The following VTN variants were observed in gnomAD, a reference collection of about 807,000 sequenced individuals.
VTN encodes complement S-protein.
Under a neutral mutation model 55.9 loss-of-function variants are expected in VTN, and 45 were observed. The observed-to-expected ratio is 0.80, with a 90% CI of 0.63 to 1.03. The LOEUF is 1.03. Among genes scored for constraint, VTN ranks in the 50% least tolerant of loss-of-function variants. The pLI is 0.00. For missense variants in VTN, 589 were observed against 638.2 expected (o/e 0.92, Z 0.83); for synonymous variants, 238 against 242.3 (o/e 0.98, Z 0.17).
chr17:28,368,473 G>T, intron 6 of VTN, 48 bp downstream of exon 6: 1 of 1,605,970 alleles, frequency 6.2e-7, no homozygotes, highest in Non-Finnish European at 8.5e-7. Flanking sequence ...AATACCAAGG[G>T]GTTTCAGCCC....
intron 6 of VTN, 45 bp from the exon 7 acceptor site, chr17:28,368,104 C>A: frequency 1.3e-6 from 2 of 1,497,514 alleles, no homozygotes; most frequent in South Asian, 2.6e-5. Flanking sequence ...GGGTCCGAAT[C>A]TTGCCCCTTC....
chr17:28,368,883 T>C lies in VTN; in HGVS notation c.815A>G (p.Tyr272Cys), dbSNP rs140531078. 24 of 1,613,562 alleles carry C rather than the reference T, an allele frequency of 1.5e-5. No homozygotes were observed. Among genetic ancestry groups the C allele is most frequent in the African/African-American group, 4.0e-5 (3 of 74,862 alleles). Reference protein sequence around the residue: ...AHSYSGRERVYFFKGKQYWEY... With the variant: ...AHSYSGRERVCFFKGKQYWEY... Reference sequence around the variant, plus strand: ...CACCCCCTGAGTACCCTTGAAGAAGTAGACCCGCTCCCGGCCACTGTAGCT... The same window carrying C: ...CACCCCCTGAGTACCCTTGAAGAAGCAGACCCGCTCCCGGCCACTGTAGCT... Residue 272 changes from tyrosine (Y) to cysteine (C), a missense_variant, in exon 5 of 8, where the codon TAC becomes TGC. Physicochemically the swap from Tyr to Cys is radical, Grantham distance 194. Transcript: ENST00000226218.
chr17:28,367,817 C>A lies in VTN; in HGVS notation c.1222G>T (p.Glu408Ter), dbSNP rs1555583237. 1 of 1,614,178 alleles carries A rather than the reference C, an allele frequency of 6.2e-7. No homozygotes were observed. Among genetic ancestry groups the A allele is most frequent in the South Asian group, 1.1e-5 (1 of 91,086 alleles). ...TTGTTGGCTCCCAAGTTGCTCTCCT[C>A]ACTGGAGAACAAGGACAGCCACGTG... ...RATWLSLFSS[E>*]ESNLGANNYD... The change falls in exon 7 of 8, where the codon GAG becomes TAG. Residue 408 changes from glutamate (E) to a stop codon, truncating the protein, a stop_gained. Coordinates refer to ENST00000226218, the MANE Select transcript of VTN (RefSeq NM_000638.4). LOFTEE classifies it high-confidence loss of function.
intron 1 of VTN, 24 bp downstream of exon 1, chr17:28,370,116 A>T: frequency 6.2e-7 from 1 of 1,613,514 alleles, no homozygotes; most frequent in African/African-American, 1.3e-5. Flanking sequence ...ATTGACCCAG[A>T]TGGCCACCAA....
chr17:28,367,880 G>T lies in VTN; in HGVS notation c.1159C>A (p.Arg387Ser). The T allele has an allele frequency of 1.9e-6, 3 of 1,613,820 alleles. No individual in the cohort carries two copies. The highest frequency in any genetic ancestry group is 2.5e-6 in the Non-Finnish European group (3 of 1,179,860). ...CGGCGGGAGTTCTGGTTGCGGCCAC[G>T]GCTGTGGCCTCGTTGTGAACGGTAG... ...KGYRSQRGHS[R>S]GRNQNSRRPS... The change falls in exon 7 of 8, where the codon CGT (arginine) becomes AGT (serine). Residue 387 changes from arginine (R) to serine (S), a missense_variant. This residue lies in a region of VTN where 334 missense variants were observed against 328.2 expected (regional missense o/e 1.02). Coordinates refer to ENST00000226218, the MANE Select transcript of VTN (RefSeq NM_000638.4).
Position 28,369,673 on chromosome 17 carries a change from C to T in VTN, c.363G>A (p.Glu121=). The change falls in exon 3 of 8, where the codon GAG becomes GAA. Residue 121 remains glutamate, a synonymous_variant. Coordinates refer to ENST00000226218, the MANE Select transcript of VTN (RefSeq NM_000638.4). This position sits in a 1 kb window ranked among gnomAD's most constrained non-coding sequence, Gnocchi z 5.3. ...AGGCGCCCACCTCAGGCGCAGGGGCCTCTTCCTCAGGTTTCAGAACAGGTG... is the reference window on the plus strand; with the variant it reads ...AGGCGCCCACCTCAGGCGCAGGGGCTTCTTCCTCAGGTTTCAGAACAGGTG... The part of the protein sequence containing the change: ...EQTPVLKPEE[E]APAPEVGASK... 1 of 1,613,840 alleles carries T rather than the reference C, an allele frequency of 6.2e-7. No homozygotes were observed. Among genetic ancestry groups the T allele is most frequent in the Non-Finnish European group, 8.5e-7 (1 of 1,180,012 alleles).
chr17:28,368,776 G>C (rs1190276985), intron 5 of VTN, 96 bp downstream of exon 5: 5 of 1,610,444 alleles, frequency 3.1e-6, no homozygotes, highest in Non-Finnish European at 4.2e-6. Flanking sequence ...GTGGGGGTCA[G>C]GGGTGGGCAC....
At chr17:28,368,703 G>T in intron 5 of VTN, 30 bp from the exon 6 acceptor site, 1 of 1,611,418 alleles carries the variant, frequency 6.2e-7, no homozygotes, top group Non-Finnish European at 8.5e-7. Context: ...GCATTAGGAG[G>T]GCTGGGCCAG....
At chr17:28,368,120 G>A (rs910539567) in intron 6 of VTN, 61 bp from the exon 7 acceptor site, 2 of 1,435,506 alleles carry the variant, frequency 1.4e-6, no homozygotes, top group Non-Finnish European at 1.9e-6. Flanking sequence ...CCTTCCAGCG[G>A]GGCCATTAGA....
In VTN at chr17:28,369,407, T is replaced by C; in HGVS notation, c.551A>G (p.Asp184Gly). 6.2e-7 allele frequency: 1 copy of C among 1,600,228 alleles called. No individual in the cohort carries two copies. The highest frequency in any genetic ancestry group is 8.5e-7 in the Non-Finnish European group (1 of 1,169,908). Reference protein sequence around the residue: ...AFRGQYCYELDEKAVRPGYPK... With the variant: ...AFRGQYCYELGEKAVRPGYPK... ...GTACCCAGGCCTCACTGCCTTTTCG[T>C]CCAGTTCATAGCAGTACTGCCCTAG... The change falls in exon 4 of 8, where the codon GAC becomes GGC. Residue 184 changes from aspartate to glycine, a missense_variant. This residue lies in a region of VTN where 217 missense variants were observed against 241.3 expected (regional missense o/e 0.90). Transcript: ENST00000226218. This position sits in a 1 kb window ranked among gnomAD's most constrained non-coding sequence, Gnocchi z 5.3.
Position 28,369,906 on chromosome 17 carries a change from C to T in VTN, c.184+21G>A. Reference sequence around the variant, plus strand: ...AGCAGCAGGGGGCACCCCAGCCCACCCACCTGGGCTCTGAACACACCTTGG... The same window carrying T: ...AGCAGCAGGGGGCACCCCAGCCCACTCACCTGGGCTCTGAACACACCTTGG... On this transcript the variant is annotated intron_variant, in intron 2 of 7. Transcript: ENST00000226218. This position sits in a 1 kb window ranked among gnomAD's most constrained non-coding sequence, Gnocchi z 5.3. The T allele has an allele frequency of 1.2e-6, 2 of 1,612,648 alleles. No individual in the cohort carries two copies. Among genetic ancestry groups the T allele is most frequent in the Non-Finnish European group, 1.7e-6 (2 of 1,178,950 alleles).
rs782530803 is a variant in VTN at position 28,369,073 on chromosome 17, G to A, written c.670-45C>T. ...AAAAGGGGTATGGAGGCCGCTGGCT[G>A]GGCACAGAGGCAGAGTCCCTTGCCC... is the stretch of plus-strand genomic sequence containing the variant. On this transcript the variant is annotated intron_variant, in intron 4 of 7. Transcript: ENST00000226218. This position sits in a 1 kb window ranked among gnomAD's most constrained non-coding sequence, Gnocchi z 5.3. 2 of 1,543,890 alleles carry A rather than the reference G, an allele frequency of 1.3e-6. No individual in the cohort carries two copies. The highest frequency in any genetic ancestry group is 1.7e-6 in the Non-Finnish European group (2 of 1,150,588).
At position 28,369,658 on chromosome 17, in the gene VTN, C is replaced by G. The variant is rs2067935911; in HGVS notation, c.378G>C (p.Glu126Asp). The G allele has an allele frequency of 1.2e-6, 2 of 1,613,792 alleles. No individual in the cohort carries two copies. Among genetic ancestry groups the G allele is most frequent in the East Asian group, 4.5e-5 (2 of 44,872 alleles). ...LKPEEEAPAP[E>D]VGASKPEGID... The stretch of plus-strand genomic sequence containing the variant: ...TCCCCTCAGGCTTAGAGGCGCCCAC[C>G]TCAGGCGCAGGGGCCTCTTCCTCAG... The change falls in exon 3 of 8, where the codon GAG becomes GAC. Residue 126 changes from glutamate (E) to aspartate (D), a missense_variant. By Grantham distance (45) the Glu-to-Asp change is conservative. Coordinates refer to ENST00000226218, the MANE Select transcript of VTN (RefSeq NM_000638.4). This position sits in a 1 kb window ranked among gnomAD's most constrained non-coding sequence, Gnocchi z 5.3.
At position 28,368,030 on chromosome 17, in the gene VTN, G is replaced by T. The variant is rs554136380; in HGVS notation, c.1009C>A (p.Arg337=). ...AGTRQPQFIS[R]DWHGVPGQVD... ...TGCCCTGGCACACCGTGCCAGTCCC[G>T]GCTAATGAACTGGGGCTGTCTGGTA... is the stretch of plus-strand genomic sequence containing the variant. Residue 337 remains arginine (R), a synonymous_variant, in exon 7 of 8, where the codon CGG becomes AGG. Transcript: ENST00000226218. 6.3e-7 allele frequency: 1 copy of T among 1,587,258 alleles called. No individual in the cohort carries two copies.
Position 28,368,559 on chromosome 17 carries a change from T to C in VTN, c.941A>G (p.Glu314Gly). Reference sequence around the variant, plus strand: ...CCAGAAGAGAAGCTCGAAGATGTCCTCCCAGCTGTCCCGCTGCATCATGGC... The same window carrying C: ...CCAGAAGAGAAGCTCGAAGATGTCCCCCCAGCTGTCCCGCTGCATCATGGC... ...HFAMMQRDSW[E>G]DIFELLFWGR... The change falls in exon 6 of 8, where the codon GAG becomes GGG. Residue 314 changes from glutamate to glycine, a missense_variant. Transcript: ENST00000226218. The C allele has an allele frequency of 6.2e-7, 1 of 1,614,014 alleles. No individual in the cohort carries two copies. Among genetic ancestry groups the C allele is most frequent in the Non-Finnish European group, 8.5e-7 (1 of 1,179,994 alleles).
Position 28,368,676 on chromosome 17 carries a change from G to A in VTN, c.827-3C>T, listed in dbSNP as rs112244941. 6.2e-7 allele frequency: 1 copy of A among 1,613,418 alleles called. No homozygotes were observed. ...CTGGTACTCCCAGTACTGTTTCCCT[G>A]AGGAGCAGGGTGGTGGGCATTAGGA... On this transcript the variant is annotated splice_region_variant and splice_polypyrimidine_tract_variant and intron_variant, in intron 5 of 7. Coordinates refer to ENST00000226218, the MANE Select transcript of VTN (RefSeq NM_000638.4).
In VTN at chr17:28,368,639, C is replaced by G; in HGVS notation, c.861G>C (p.Gln287His). Residue 287 changes from glutamine (Q) to histidine (H), a missense_variant, in exon 6 of 8, where the codon CAG (glutamine) becomes CAC (histidine). Coordinates refer to ENST00000226218, the MANE Select transcript of VTN (RefSeq NM_000638.4). ...KQYWEYQFQH[Q>H]PSQEECEGSS... ...TGCCTTCACACTCCTCCTGACTGGG[C>G]TGGTGCTGGAACTGGTACTCCCAGT... 1 of 1,613,894 alleles carries G rather than the reference C, an allele frequency of 6.2e-7. No homozygotes were observed. Among genetic ancestry groups the G allele is most frequent in the South Asian group, 1.1e-5 (1 of 91,070 alleles).
Position 28,367,950 on chromosome 17 carries a change from G to A in VTN, c.1089C>T (p.Pro363=). The A allele has an allele frequency of 6.2e-7, 1 of 1,602,398 alleles. No homozygotes were observed. The highest frequency in any genetic ancestry group is 2.2e-5 in the East Asian group (1 of 44,446). The change falls in exon 7 of 8, where the codon CCC becomes CCT. Residue 363 remains proline (P), a synonymous_variant. Coordinates refer to ENST00000226218, the MANE Select transcript of VTN (RefSeq NM_000638.4). Reference sequence around the variant, plus strand: ...TAAACCTTTGTTTCTTGGCCAAGGAGGGGCGGGGTGCCATGCCTGAGATGT... The same window carrying A: ...TAAACCTTTGTTTCTTGGCCAAGGAAGGGCGGGGTGCCATGCCTGAGATGT... The part of the protein sequence containing the change: ...RIYISGMAPR[P]SLAKKQRFRH...
rs1555583253 is a variant in VTN at position 28,367,861 on chromosome 17, G to A, written c.1178C>T (p.Ser393Phe). Residue 393 changes from serine (S) to phenylalanine (F), a missense_variant, in exon 7 of 8, where the codon TCC (serine) becomes TTC (phenylalanine). Physicochemically the swap from Ser to Phe is radical, Grantham distance 155. Coordinates refer to ENST00000226218, the MANE Select transcript of VTN (RefSeq NM_000638.4). ...CCACGTGGCGCGGGATGGCCGGCGGGAGTTCTGGTTGCGGCCACGGCTGTG... is the reference window on the plus strand; with the variant it reads ...CCACGTGGCGCGGGATGGCCGGCGGAAGTTCTGGTTGCGGCCACGGCTGTG... The part of the protein sequence containing the change: ...RGHSRGRNQN[S>F]RRPSRATWLS... 1 of 1,614,096 alleles carries A rather than the reference G, an allele frequency of 6.2e-7. No individual in the cohort carries two copies. Among genetic ancestry groups the A allele is most frequent in the Non-Finnish European group, 8.5e-7 (1 of 1,180,000 alleles).
Sources: gnomAD v4.1 joint callset for allele counts on GRCh38, gnomAD v4.1.1 for gene constraint, gnomAD v4.1.1 regional missense constraint, Gnocchi (gnomAD v3.1) non-coding constraint, MANE v1.5 for transcripts, NCBI Gene and HGNC (gene_info 2026-07-23, HGNC 2026-07-21) for gene names.